Variants in SLIT1 observed in about 807,000 individuals in gnomAD.
SLIT1 encodes slit homolog 1 protein.
SLIT1 carries 66 observed loss-of-function variants against 186.1 expected under a neutral mutation model. That is an observed-to-expected ratio of 0.35 (90% CI 0.29 to 0.44). The LOEUF (loss-of-function observed/expected upper bound fraction) is 0.44. Ranked by LOEUF, SLIT1 falls within the 20% of genes least tolerant of loss-of-function variation. The pLI is 1.00. For synonymous variants in SLIT1, 761 were observed against 833.8 expected (o/e 0.91, Z 1.50); for missense variants, 1,638 against 2,037.4 (o/e 0.80, Z 3.77).
chr10:97,148,525 C>T (rs1050234520), intron 4 of SLIT1, among the ~76,000 whole-genome samples: 18 of 152,132 alleles, frequency 1.2e-4, no homozygotes, highest in African/African-American at 3.4e-4. Flanking sequence ...AGCAATTCTC[C>T]CATCTCAGCC....
intron 3 of SLIT1, among the ~76,000 whole-genome samples, chr10:97,161,232 G>A (rs1850022167): frequency 6.6e-6 from 1 of 152,166 alleles, no homozygotes; most frequent in African/African-American, 2.4e-5. Context: ...CACAAGAGGT[G>A]GAGCCAGGTT....
intron 1 of SLIT1, among the ~76,000 whole-genome samples, chr10:97,174,712 G>A (rs902507920): frequency 6.6e-6 from 1 of 152,184 alleles, no homozygotes; most frequent in South Asian, 2.1e-4. Flanking sequence ...GTAGTACCTG[G>A]CTCAGAGGCT....
At chr10:97,161,442 G>A (rs1019850776) in intron 3 of SLIT1, among the ~76,000 whole-genome samples, 4 of 152,126 alleles carry the variant, frequency 2.6e-5, no homozygotes, top group South Asian at 2.1e-4. Context: ...CGAGGCAATC[G>A]GATTCTTTTC....
intron 4 of SLIT1, among the ~76,000 whole-genome samples, chr10:97,151,351 C>T (rs868818456): frequency 1.4e-4 from 6 of 41,844 alleles, no homozygotes; most frequent in South Asian, 1.7e-3. Context: ...TAGATGCGTA[C>T]GTGGGAGGGG....
Position 97,063,519 on chromosome 10 carries a change from C to T in SLIT1, c.729G>A (p.Ser243=), listed in dbSNP as rs752336314. The T allele has an allele frequency of 2.5e-5, 40 of 1,613,020 alleles. No homozygotes were observed. The East Asian group carries it at 5.1e-4, about 21-fold the overall frequency. ...RPTIGLFTQC[S]GPASLRGLNV... Reference sequence around the variant, plus strand: ...TGAGGCCACGCAGGCTGGCTGGGCCCGAGCACTGGGTGAAGAGCCCGATGG... The same window carrying T: ...TGAGGCCACGCAGGCTGGCTGGGCCTGAGCACTGGGTGAAGAGCCCGATGG... The change falls in exon 8 of 37, where the codon TCG becomes TCA. Residue 243 remains serine, a synonymous_variant. Coordinates refer to ENST00000266058, the MANE Select transcript of SLIT1 (RefSeq NM_003061.3).
chr10:97,102,133 G>A (rs988279213), intron 4 of SLIT1: 1 of 152,218 alleles, frequency 6.6e-6, no homozygotes, highest in African/African-American at 2.4e-5. Context: ...GTTAAAACCT[G>A]TGAGGTGGCC....
chr10:97,164,488 C>T (rs145542573), intron 2 of SLIT1, among the ~76,000 whole-genome samples: 65 of 152,270 alleles, frequency 4.3e-4, no homozygotes, highest in African/African-American at 1.3e-3. Context: ...CCGTGCCCAG[C>T]GGCTTGTCAG....
chr10:97,040,152 G>T, intron 20 of SLIT1, 32 bp from the exon 21 acceptor site: 1 of 1,520,302 alleles, frequency 6.6e-7, no homozygotes, highest in Non-Finnish European at 8.8e-7. Flanking sequence ...CCCTGTCAGG[G>T]AGGTGGACGG....
chr10:97,030,081 G>A (rs1589367697), intron 25 of SLIT1, among the ~76,000 whole-genome samples: 1 of 152,184 alleles, frequency 6.6e-6, no homozygotes, highest in East Asian at 1.9e-4. Context: ...GTGAACATTG[G>A]TGTACACACA....
intron 1 of SLIT1, among the ~76,000 whole-genome samples, chr10:97,179,617 A>G (rs1850303809): frequency 6.6e-6 from 1 of 152,170 alleles, no homozygotes; most frequent in South Asian, 2.1e-4. Context: ...CCTCGTCTCT[A>G]TGGACATCCT....
rs200480011 is a variant in SLIT1 at position 97,179,805 on chromosome 10, G to GC, written c.197+5672dup. Among the ~76,000 whole-genome samples the GC allele has an allele frequency of 7.6e-3, 1,029 of 136,272 alleles. 54 individuals carry two copies. The highest frequency in any genetic ancestry group is 0.02 in the African/African-American group (764 of 37,306). 89.4% of individuals were successfully genotyped at this position (136,272 alleles called of 152,430 possible). On this transcript the variant is annotated intron_variant, in intron 1 of 36. Transcript: ENST00000266058. ...GGAGCCAATTCTCCACACCCTCCCC[G>GC]CCCCCCGGCACAGCCCAGCTCCCTG...
At chr10:97,155,457 C>T (rs546306985) in intron 4 of SLIT1, 1 of 152,330 alleles carries the variant, frequency 6.6e-6, no homozygotes, top group Non-Finnish European at 1.5e-5. Flanking sequence ...TACCCTTTAC[C>T]CCCAAGGGCT....
intron 4 of SLIT1, among the ~76,000 whole-genome samples, chr10:97,132,715 C>T (rs993074328): frequency 4.6e-5 from 7 of 152,186 alleles, no homozygotes; most frequent in Non-Finnish European, 8.8e-5. Flanking sequence ...TACTACTAGG[C>T]GCCCTGCACA....
At position 97,005,984 on chromosome 10, in the gene SLIT1, T is replaced by C. The variant is rs150488809; in HGVS notation, c.3579+499A>G. Reference sequence around the variant, plus strand: ...AAAGAAGTGTTTAGCAAAATATTGATATATTTCATCAATGCTGCTGAAGTG... The same window carrying C: ...AAAGAAGTGTTTAGCAAAATATTGACATATTTCATCAATGCTGCTGAAGTG... On this transcript the variant is annotated intron_variant, in intron 32 of 36. Transcript: ENST00000266058. Among the ~76,000 whole-genome samples the C allele has an allele frequency of 3.3e-3, 498 of 152,322 alleles. 1 individual carries two copies. Among genetic ancestry groups the C allele is most frequent in the African/African-American group, 0.011 (460 of 41,574 alleles).
At chr10:97,011,730 G>A (rs936748543) in intron 30 of SLIT1, among the ~76,000 whole-genome samples, 1 of 152,124 alleles carries the variant, frequency 6.6e-6, no homozygotes, top group Admixed American at 6.5e-5. Context: ...ATGCACTCCT[G>A]TAGCCCTTTC....
intron 4 of SLIT1, among the ~76,000 whole-genome samples, chr10:97,129,083 G>A (rs1469304079): frequency 6.6e-6 from 1 of 152,114 alleles, no homozygotes; most frequent in Non-Finnish European, 1.5e-5. Flanking sequence ...CAACCTCCCT[G>A]TGCCTCAGTT....
intron 4 of SLIT1, among the ~76,000 whole-genome samples, chr10:97,105,523 G>C (rs1371705892): frequency 6.6e-6 from 1 of 152,192 alleles, no homozygotes; most frequent in African/African-American, 2.4e-5. Context: ...GGTGTAATGA[G>C]AGCAGAGAAC....
chr10:97,131,505 C>T (rs990063021), intron 4 of SLIT1, among the ~76,000 whole-genome samples: 8 of 152,186 alleles, frequency 5.3e-5, no homozygotes, highest in African/African-American at 9.7e-5. Context: ...ACACACTCAC[C>T]GCATTCACAA....
At chr10:97,012,123 C>T (rs912750139) in intron 30 of SLIT1, among the ~76,000 whole-genome samples, 10 of 149,630 alleles carry the variant, frequency 6.7e-5, no homozygotes, top group Non-Finnish European at 4.5e-5. Context: ...CACACACACA[C>T]ACACACGCAC....
Sources: gnomAD v4.1 joint callset for allele counts (sites outside exome capture counted in the v4.1 genomes callset) on GRCh38, gnomAD v4.1.1 for gene constraint, MANE v1.5 for transcripts, NCBI Gene and HGNC (gene_info 2026-07-23, HGNC 2026-07-21) for gene names.